Variants in NCK1 observed in about 807,000 individuals in gnomAD.
NCK1 encodes SH2/SH3 adapter protein NCK1.
A neutral mutation model predicts 36.6 loss-of-function variants in NCK1; 19 were observed. That is an observed-to-expected ratio of 0.52 (90% CI 0.36 to 0.76). The LOEUF (loss-of-function observed/expected upper bound fraction) is 0.76, where lower values mean the gene tolerates loss of function less well. Ranked by LOEUF, NCK1 falls within the 30% of genes least tolerant of loss-of-function variation. The probability of loss-of-function intolerance (pLI) is 0.00; values close to 1 mark genes in which losing one functional copy is unlikely to be tolerated. For synonymous variants in NCK1, 165 were observed against 156.0 expected, an observed-to-expected ratio of 1.06 and a Z score of -0.43; for missense variants, 358 against 445.6, an observed-to-expected ratio of 0.80 and a Z score of 1.77.
intron 2 of NCK1, among the ~76,000 whole-genome samples, chr3:136,943,655 T>A (rs1940733462): frequency 6.6e-6 from 1 of 152,254 alleles, no homozygotes; most frequent in South Asian, 2.1e-4. Context: ...TGTTTTTCCT[T>A]TGTTCCTACT....
rs368798199 is a variant in NCK1 at position 136,906,013 on chromosome 3, C to T, written c.-18-21971C>T. 7.9e-5 allele frequency among the ~76,000 whole-genome samples: 12 copies of T among 152,248 alleles called. No homozygotes were observed. The East Asian group carries it at 2.3e-3, about 29-fold the overall frequency. On this transcript the variant is annotated intron_variant, in intron 1 of 3. Transcript: ENST00000481752. ...CCTTGCTTTTTCATGTTTCCTGTGT[C>T]CTTACACTGGTATCTGTGCCTCTGG...
intron 1 of NCK1, chr3:136,889,135 TC>T (rs1939159630): frequency 1.5e-5 from 2 of 136,418 alleles, no homozygotes; most frequent in Non-Finnish European, 3.0e-5. Context: ...CAAGTGATCT[TC>T]CCATCTCTGC....
intron 2 of NCK1, among the ~76,000 whole-genome samples, chr3:136,941,829 C>T (rs559312692): frequency 6.6e-6 from 1 of 151,798 alleles, no homozygotes; most frequent in Non-Finnish European, 1.5e-5. Flanking sequence ...TCATTTTAGC[C>T]TGGAGGATTC....
intron 1 of NCK1, among the ~76,000 whole-genome samples, chr3:136,886,246 C>CA (rs1553792537): frequency 6.8e-6 from 1 of 148,048 alleles, no homozygotes; most frequent in African/African-American, 2.5e-5. Flanking sequence ...TATAGTTATC[C>CA]TTTTTTTTTT....
chr3:136,888,414 T>G (rs2108085294), intron 1 of NCK1, among the ~76,000 whole-genome samples: 1 of 152,278 alleles, frequency 6.6e-6, no homozygotes, highest in South Asian at 2.1e-4. Flanking sequence ...AGAATTTTTT[T>G]TTTTTTTGAG....
rs1466837848 is a variant in NCK1 at position 136,948,131 on chromosome 3, A to G, written c.940-128A>G. ...TTTTGAAGAGTAAAGGAGATAATCT[A>G]TGTAAATAATTTACCATGGTGCCTA... On this transcript the variant is annotated intron_variant, in intron 3 of 3. Transcript: ENST00000481752. The G allele has an allele frequency of 9.6e-6, 6 of 623,044 alleles. No homozygotes were observed. The South Asian group carries it at 2.0e-4, about 21-fold the overall frequency. The allele number at this position is 623,044 out of a possible 1,614,324, so 38.6% of individuals were successfully genotyped here.
At chr3:136,947,166 G>A (rs1357818410) in intron 3 of NCK1, 2 of 152,174 alleles carry the variant, frequency 1.3e-5, no homozygotes, top group African/African-American at 4.8e-5. Context: ...GTGAAGTTCA[G>A]GAAAATGGGG....
intron 2 of NCK1, among the ~76,000 whole-genome samples, chr3:136,934,431 G>T (rs992728119): frequency 5.3e-5 from 8 of 151,902 alleles, no homozygotes; most frequent in Non-Finnish European, 8.8e-5. Flanking sequence ...GATTACAGGT[G>T]CCTGCCACCA....
chr3:136,871,767 A>G (rs1040228799), intron 1 of NCK1, among the ~76,000 whole-genome samples: 2 of 152,174 alleles, frequency 1.3e-5, no homozygotes, highest in Non-Finnish European at 2.9e-5. Context: ...TAATTGAACC[A>G]TGGGGGTGGG....
intron 1 of NCK1, among the ~76,000 whole-genome samples, chr3:136,869,690 T>A (rs541927740): frequency 3.9e-5 from 6 of 152,380 alleles, no homozygotes; most frequent in African/African-American, 1.4e-4. Flanking sequence ...GTATTTTTCT[T>A]ATGTGTACGT....
chr3:136,888,899 TTTGCTCTG>T (rs1939149464), intron 1 of NCK1, among the ~76,000 whole-genome samples: 1 of 151,802 alleles, frequency 6.6e-6, no homozygotes, highest in Admixed American at 6.6e-5. Context: ...TGAGGCAAGG[TTTGCTCTG>T]TTGCTTGGAC....
intron 1 of NCK1, among the ~76,000 whole-genome samples, chr3:136,867,100 CTTTCTTTCTTTCTTTCTTTGTTTCT>C (rs1560028425): frequency 1.2e-3 from 47 of 38,822 alleles, no homozygotes; most frequent in East Asian, 4.3e-3. Context: ...TTCTTTCTTT[CTTTCTTTCTTTCTTTCTTTGTTTCT>C]TTCTTTCCTT....
intron 1 of NCK1, among the ~76,000 whole-genome samples, chr3:136,863,109 C>G (rs535014233): frequency 3.9e-4 from 59 of 152,184 alleles, no homozygotes; most frequent in African/African-American, 1.2e-3. Context: ...CGTAGGAACG[C>G]TCTCGGTGTC....
intron 1 of NCK1, among the ~76,000 whole-genome samples, chr3:136,887,374 C>T (rs761404166): frequency 1.3e-5 from 2 of 152,130 alleles, no homozygotes; most frequent in East Asian, 3.9e-4. Context: ...GTTACTGTTG[C>T]CTTTTCTCCT....
intron 1 of NCK1, among the ~76,000 whole-genome samples, chr3:136,867,771 C>T (rs538310540): frequency 9.2e-5 from 14 of 152,246 alleles, no homozygotes; most frequent in African/African-American, 2.9e-4. Context: ...GATCTTCTGA[C>T]GCAAGTTCTG....
intron 1 of NCK1, among the ~76,000 whole-genome samples, chr3:136,924,030 T>C (rs1206578385): frequency 1.3e-5 from 2 of 152,182 alleles, no homozygotes; most frequent in Non-Finnish European, 2.9e-5. Flanking sequence ...TAGCACATCA[T>C]CATTATTGAA....
At chr3:136,866,526 T>TA (rs1439501822) in intron 1 of NCK1, among the ~76,000 whole-genome samples, 4 of 141,996 alleles carry the variant, frequency 2.8e-5, no homozygotes, top group Non-Finnish European at 3.1e-5. Flanking sequence ...AGGCCAGTCT[T>TA]AAACTCCTCA....
At chr3:136,875,940 TATAAC>T (rs1938753634) in intron 1 of NCK1, among the ~76,000 whole-genome samples, 2 of 151,734 alleles carry the variant, frequency 1.3e-5, no homozygotes, top group Admixed American at 1.3e-4. Context: ...GAACAGAAAT[TATAAC>T]AAACTATCTC....
intron 2 of NCK1, among the ~76,000 whole-genome samples, chr3:136,942,337 GGTT>G (rs1940700047): frequency 6.6e-6 from 1 of 152,144 alleles, no homozygotes. Flanking sequence ...TATTGTGAGT[GGTT>G]GTTGTTTGCT....
Sources: gnomAD v4.1 joint callset for allele counts (sites outside exome capture counted in the v4.1 genomes callset) on GRCh38, gnomAD v4.1.1 for gene constraint, MANE v1.5 for transcripts, NCBI Gene and HGNC (gene_info 2026-07-23, HGNC 2026-07-21) for gene names.